Variants in ADAMTSL3 observed in about 807,000 individuals in gnomAD.
The protein encoded by ADAMTSL3 is ADAMTS-like protein 3.
Under a neutral mutation model 201.7 loss-of-function variants are expected in ADAMTSL3, and 128 were observed. The observed-to-expected ratio is 0.63, with a 90% CI of 0.55 to 0.73. ADAMTSL3 has a LOEUF of 0.73. Ranked by LOEUF, ADAMTSL3 falls within the 30% of genes least tolerant of loss-of-function variation. The probability of loss-of-function intolerance (pLI) is 0.00; values close to 1 mark genes in which losing one functional copy is unlikely to be tolerated. For missense variants in ADAMTSL3, 1,990 were observed against 2,119.6 expected, an observed-to-expected ratio of 0.94 and a Z score of 1.20; for synonymous variants, 738 against 748.4, an observed-to-expected ratio of 0.99 and a Z score of 0.23.
At chr15:83,899,357 A>G (rs187930497) in intron 14 of ADAMTSL3, among the ~76,000 whole-genome samples, 1 of 152,326 alleles carries the variant, frequency 6.6e-6, no homozygotes, top group African/African-American at 2.4e-5. Flanking sequence ...GAACAACAGA[A>G]ATTGGTATTG....
chr15:83,691,566 A>G (rs554882371), intron 2 of ADAMTSL3, among the ~76,000 whole-genome samples: 1 of 152,298 alleles, frequency 6.6e-6, no homozygotes, highest in African/African-American at 2.4e-5. Flanking sequence ...TCTACTACTA[A>G]TGAGTCCAAT....
intron 7 of ADAMTSL3, among the ~76,000 whole-genome samples, chr15:83,852,687 C>T (rs2064643485): frequency 6.6e-6 from 1 of 152,128 alleles, no homozygotes; most frequent in Non-Finnish European, 1.5e-5. Flanking sequence ...TTTGTAAACA[C>T]TCTGGATATT....
chr15:83,866,770 A>G (rs2064988720), intron 8 of ADAMTSL3, among the ~76,000 whole-genome samples: 1 of 152,148 alleles, frequency 6.6e-6, no homozygotes, highest in Non-Finnish European at 1.5e-5. Context: ...AAAAAAAAAG[A>G]ATAAGTAAAG....
At chr15:83,693,709 A>G (rs1359156341) in intron 2 of ADAMTSL3, among the ~76,000 whole-genome samples, 4 of 152,174 alleles carry the variant, frequency 2.6e-5, no homozygotes, top group African/African-American at 9.7e-5. Context: ...CATAGTATAC[A>G]ATTTACTTCT....
chr15:83,999,651 T>G (rs375307252), intron 23 of ADAMTSL3, among the ~76,000 whole-genome samples: 1 of 152,214 alleles, frequency 6.6e-6, no homozygotes, highest in East Asian at 1.9e-4. Flanking sequence ...AGCATCTCAC[T>G]GGGTCAAAGC....
At chr15:83,822,341 G>T (rs1162657828) in intron 6 of ADAMTSL3, among the ~76,000 whole-genome samples, 23 of 106,900 alleles carry the variant, frequency 2.2e-4, no homozygotes, top group East Asian at 7.7e-4. Context: ...GGGCGGAGGG[G>T]CTCCTCACTT....
At chr15:83,939,926 C>G (rs2053053216) in intron 17 of ADAMTSL3, among the ~76,000 whole-genome samples, 1 of 152,072 alleles carries the variant, frequency 6.6e-6, no homozygotes, top group Non-Finnish European at 1.5e-5. Context: ...CCCGCCAGGA[C>G]CAACTTTTTG....
At chr15:84,032,912 C>T (rs1027085459) in intron 28 of ADAMTSL3, among the ~76,000 whole-genome samples, 16 of 152,076 alleles carry the variant, frequency 1.1e-4, no homozygotes, top group African/African-American at 3.6e-4. Context: ...ATCAAATTGC[C>T]ATCAAAATTT....
At chr15:83,853,914 A>G (rs1019880541) in intron 7 of ADAMTSL3, among the ~76,000 whole-genome samples, 4 of 57,102 alleles carry the variant, frequency 7.0e-5, no homozygotes, top group South Asian at 8.7e-4. Context: ...ATCTCTATCT[A>G]TCTATCTATC....
At chr15:83,734,155 A>G (rs1439155461) in intron 3 of ADAMTSL3, among the ~76,000 whole-genome samples, 1 of 152,188 alleles carries the variant, frequency 6.6e-6, no homozygotes, top group African/African-American at 2.4e-5. Context: ...TTAAGTCCAG[A>G]TAGTAATTTT....
At chr15:83,971,293 C>T (rs997909224) in intron 20 of ADAMTSL3, among the ~76,000 whole-genome samples, 1 of 152,102 alleles carries the variant, frequency 6.6e-6, no homozygotes, top group Non-Finnish European at 1.5e-5. Context: ...CGCAGTGGCT[C>T]ACGCCTGTAA....
chr15:83,675,671 C>T (rs1329519881), intron 2 of ADAMTSL3, among the ~76,000 whole-genome samples: 1 of 150,564 alleles, frequency 6.6e-6, no homozygotes, highest in African/African-American at 2.4e-5. Flanking sequence ...CTTCTGTTTC[C>T]TGAAGAGATT....
intron 7 of ADAMTSL3, among the ~76,000 whole-genome samples, chr15:83,852,208 G>A (rs1283786827): frequency 6.6e-6 from 1 of 151,876 alleles, no homozygotes; most frequent in African/African-American, 2.4e-5. Flanking sequence ...CGCCTCCTGG[G>A]TTCAAGCAAT....
Position 83,773,551 on chromosome 15 carries a change from A to G in ADAMTSL3, c.218A>G (p.Asp73Gly). 6.2e-7 allele frequency: 1 copy of G among 1,614,024 alleles called. No individual in the cohort carries two copies. Among genetic ancestry groups the G allele is most frequent in the Middle Eastern group, 1.6e-4 (1 of 6,062 alleles). The stretch of plus-strand genomic sequence containing the variant: ...TCAAGAAACACTCGTTCAGATGAAG[A>G]CAAAGATGGCAACTGGGATGCTTGG... ...QTSRNTRSDE[D>G]KDGNWDAWGD... is the part of the protein sequence containing the mutation. The change falls in exon 4 of 30, where the codon GAC becomes GGC. Residue 73 changes from aspartate (D) to glycine (G), a missense_variant. Coordinates refer to ENST00000286744, the MANE Select transcript of ADAMTSL3 (RefSeq NM_207517.3).
chr15:83,862,249 A>G (rs1023278394), intron 8 of ADAMTSL3: 1 of 152,232 alleles, frequency 6.6e-6, no homozygotes, highest in African/African-American at 2.4e-5. Flanking sequence ...CCAACATTCA[A>G]ATTCAGGAAA....
At chr15:83,845,865 C>T (rs927416607) in intron 7 of ADAMTSL3, among the ~76,000 whole-genome samples, 2 of 152,130 alleles carry the variant, frequency 1.3e-5, no homozygotes, top group Non-Finnish European at 1.5e-5. Flanking sequence ...ATTGTCACAA[C>T]CTGCAAGAGG....
chr15:84,021,313 C>G (rs1163306943), intron 25 of ADAMTSL3, 97 bp from the exon 26 acceptor site: 2 of 1,391,782 alleles, frequency 1.4e-6, no homozygotes, highest in Non-Finnish European at 2.0e-6. Context: ...ACTTAAAGAA[C>G]CAAAAAACAT....
In ADAMTSL3 at chr15:83,773,580, G is replaced by T. The variant is rs754672935; in HGVS notation, c.247G>T (p.Asp83Tyr). 1 of 1,613,992 alleles carries T rather than the reference G, an allele frequency of 6.2e-7. No homozygotes were observed. The highest frequency in any genetic ancestry group is 1.1e-5 in the South Asian group (1 of 91,072). Residue 83 changes from aspartate to tyrosine, a missense_variant, in exon 4 of 30, where the codon GAC becomes TAC. Coordinates refer to ENST00000286744, the MANE Select transcript of ADAMTSL3 (RefSeq NM_207517.3). Reference sequence around the variant, plus strand: ...AGATGGCAACTGGGATGCTTGGGGCGACTGGAGTGACTGCTCCCGGACCTG... The same window carrying T: ...AGATGGCAACTGGGATGCTTGGGGCTACTGGAGTGACTGCTCCCGGACCTG... ...DKDGNWDAWG[D>Y]WSDCSRTCGG...
In ADAMTSL3 at chr15:83,982,827, G is replaced by C. The variant is rs1420557179; in HGVS notation, c.3199G>C (p.Ala1067Pro). ...TCTGTTAGGCCACTGCAGCAATTCT[G>C]CAGGAAGCACCAACTCCTGGGAGTT... ...RALLGHCSNS[A>P]GSTNSWELKN... The change falls in exon 21 of 30, where the codon GCA becomes CCA. Residue 1067 changes from alanine (A) to proline (P), a missense_variant. Transcript: ENST00000286744. 1 of 1,614,032 alleles carries C rather than the reference G, an allele frequency of 6.2e-7. No individual in the cohort carries two copies.
Sources: allele counts gnomAD v4.1 joint callset (sites outside exome capture counted in the v4.1 genomes callset), GRCh38; gene constraint gnomAD v4.1.1; transcripts MANE v1.5; gene names NCBI Gene and HGNC (gene_info 2026-07-23, HGNC 2026-07-21).